TGFBR2: variants seen among roughly 807,000 people sequenced by gnomAD.
TGFBR2 encodes the protein TGF-beta receptor type-2.
TGFBR2 carries 18 observed loss-of-function variants against 49.0 expected under a neutral mutation model. That is an observed-to-expected ratio of 0.37 (90% CI 0.25 to 0.54). TGFBR2 has a LOEUF of 0.54. TGFBR2 is among the 20% of genes least tolerant of loss of function. The pLI, the probability that TGFBR2 is intolerant of heterozygous loss-of-function variation, is 0.85. For missense variants in TGFBR2, 525 were observed against 722.6 expected (o/e 0.73, Z 3.13); for synonymous variants, 282 against 275.9 (o/e 1.02, Z -0.22).
rs2116142 is a variant in TGFBR2, at chr3:30,676,169, A to G, written c.1396+1923A>G. ...TCTTCAGTGCGTCATATCAGGGGGA[A>G]TAAGATGTCCATGTGTCTGGTTATT... On this transcript the variant is annotated intron_variant, in intron 5 of 6. Transcript: ENST00000295754. This position sits in a 1 kb window ranked among gnomAD's most constrained non-coding sequence, Gnocchi z 4.3. Among the ~76,000 whole-genome samples the G allele has an allele frequency of 0.28, 42,234 of 152,118 alleles. 5,985 individuals carry two copies. Among genetic ancestry groups the G allele is most frequent in the Admixed American group, 0.35 (5,394 of 15,286 alleles).
intron 5 of TGFBR2, among the ~76,000 whole-genome samples, chr3:30,680,703 G>A (rs904553114): frequency 1.3e-5 from 2 of 151,926 alleles, no homozygotes; most frequent in African/African-American, 4.8e-5. Context: ...AAAAAAAAAA[G>A]AAAACAAATC....
chr3:30,688,105 G>A (rs1239968979), intron 5 of TGFBR2, among the ~76,000 whole-genome samples: 1 of 152,084 alleles, frequency 6.6e-6, no homozygotes, highest in African/African-American at 2.4e-5. Context: ...CCTAAGCTCC[G>A]TGACCCTCTC....
intron 1 of TGFBR2, among the ~76,000 whole-genome samples, chr3:30,642,887 T>C (rs1397774074): frequency 6.6e-6 from 1 of 152,184 alleles, no homozygotes; most frequent in Admixed American, 6.5e-5. Context: ...AGCATAGAGC[T>C]CTTGGTCTGG....
rs145116012 is a variant in TGFBR2, at chr3:30,661,151, C to A, written c.455-10487C>A. Reference sequence around the variant, plus strand: ...AGAGTACAAGGTGTAATTCAGACAGCCAGCCAGAAAAAGAATTAAAGAATC... The same window carrying A: ...AGAGTACAAGGTGTAATTCAGACAGACAGCCAGAAAAAGAATTAAAGAATC... On this transcript the variant is annotated intron_variant, in intron 3 of 6. Transcript: ENST00000295754. 3.0e-4 allele frequency among the ~76,000 whole-genome samples: 45 copies of A among 152,228 alleles called. No homozygotes were observed. The East Asian group carries it at 7.1e-3, about 24-fold the overall frequency.
chr3:30,618,540 G>C (rs1404615675), intron 1 of TGFBR2, among the ~76,000 whole-genome samples: 1 of 152,032 alleles, frequency 6.6e-6, no homozygotes, highest in African/African-American at 2.4e-5. Context: ...CCGGCCCCAA[G>C]GACCCATTTC....
At chr3:30,620,774 T>C (rs1316255986) in intron 1 of TGFBR2, among the ~76,000 whole-genome samples, 1 of 152,156 alleles carries the variant, frequency 6.6e-6, no homozygotes, top group African/African-American at 2.4e-5. Flanking sequence ...TCATAGATGA[T>C]TTCAGTCATT....
chr3:30,673,118 G>A (rs1699372734), intron 4 of TGFBR2, among the ~76,000 whole-genome samples: 1 of 152,188 alleles, frequency 6.6e-6, no homozygotes, highest in South Asian at 2.1e-4. Context: ...TAGCCAGGTG[G>A]CAGGACACAC....
chr3:30,612,567 A>C (rs1698048657), intron 1 of TGFBR2, among the ~76,000 whole-genome samples: 1 of 152,152 alleles, frequency 6.6e-6, no homozygotes, highest in African/African-American at 2.4e-5. Context: ...GATAAGGCAG[A>C]GTTTCTTTGC....
At chr3:30,642,625 A>G (rs953178781) in intron 1 of TGFBR2, among the ~76,000 whole-genome samples, 3 of 152,262 alleles carry the variant, frequency 2.0e-5, no homozygotes, top group Admixed American at 6.5e-5. Context: ...TACAAACAAC[A>G]AACCTTCCTA....
In TGFBR2 at chr3:30,678,285, C is replaced by A. The variant is rs897049684; in HGVS notation, c.1396+4039C>A. ...TGGTCCTGCCGGGCGCGGTGGCTCA[C>A]GCCTGTAATCCCAACACTTTGGGAA... On this transcript the variant is annotated intron_variant, in intron 5 of 6. Coordinates refer to ENST00000295754, the MANE Select transcript of TGFBR2 (RefSeq NM_003242.6). Among the ~76,000 whole-genome samples, 6 of 152,206 alleles carry A rather than the reference C, an allele frequency of 3.9e-5. No homozygotes were observed. The East Asian group carries it at 5.8e-4, about 15-fold the overall frequency.
At chr3:30,615,272 A>T (rs1295699178) in intron 1 of TGFBR2, among the ~76,000 whole-genome samples, 1 of 151,616 alleles carries the variant, frequency 6.6e-6, no homozygotes, top group African/African-American at 2.4e-5. Context: ...AAGGCTACCT[A>T]TACCCTGGTA....
At chr3:30,645,675 G>A (rs1217560375) in intron 2 of TGFBR2, among the ~76,000 whole-genome samples, 4 of 151,920 alleles carry the variant, frequency 2.6e-5, no homozygotes, top group South Asian at 2.1e-4. Flanking sequence ...TAGTAGAGAC[G>A]GGGTTTCACC....
intron 3 of TGFBR2, among the ~76,000 whole-genome samples, chr3:30,655,308 G>T (rs1333125697): frequency 1.3e-5 from 2 of 152,170 alleles, no homozygotes; most frequent in Non-Finnish European, 2.9e-5. Context: ...TGACTGTGGT[G>T]CATAAACTGA....
intron 2 of TGFBR2, among the ~76,000 whole-genome samples, chr3:30,645,268 T>C (rs1365412158): frequency 6.6e-6 from 1 of 151,952 alleles, no homozygotes; most frequent in African/African-American, 2.4e-5. Context: ...CAGCACCCCA[T>C]AGTGAGACCA....
intron 5 of TGFBR2, 139 bp downstream of exon 5, chr3:30,674,385 A>C: frequency 8.3e-7 from 1 of 1,205,994 alleles, no homozygotes; most frequent in Non-Finnish European, 1.2e-6. Flanking sequence ...ACCATCCCAG[A>C]ACTATTTGGG....
At chr3:30,629,692 G>A (rs546599653) in intron 1 of TGFBR2, among the ~76,000 whole-genome samples, 22 of 152,280 alleles carry the variant, frequency 1.4e-4, no homozygotes, top group African/African-American at 2.2e-4. Flanking sequence ...ACCAACCACC[G>A]TGTGCCAGCC....
intron 1 of TGFBR2, among the ~76,000 whole-genome samples, chr3:30,618,369 A>AG (rs1698167955): frequency 6.6e-6 from 1 of 151,432 alleles, no homozygotes; most frequent in South Asian, 2.1e-4. Context: ...AGCTGGGATT[A>AG]CAGGTGTGCA....
At chr3:30,660,769 T>C (rs1009821765) in intron 3 of TGFBR2, among the ~76,000 whole-genome samples, 2 of 152,244 alleles carry the variant, frequency 1.3e-5, no homozygotes, top group African/African-American at 4.8e-5. Context: ...TCTTAGCTTT[T>C]AAAACTGATT....
chr3:30,658,681 C>A (rs1050642663), intron 3 of TGFBR2, among the ~76,000 whole-genome samples: 2 of 152,324 alleles, frequency 1.3e-5, no homozygotes, highest in African/African-American at 4.8e-5. Flanking sequence ...CACAAAGTTT[C>A]ATTCCTTCCT....
Sources: allele counts gnomAD v4.1 joint callset (sites outside exome capture counted in the v4.1 genomes callset), GRCh38; gene constraint gnomAD v4.1.1; non-coding constraint Gnocchi (gnomAD v3.1); transcripts MANE v1.5; gene names NCBI Gene and HGNC (gene_info 2026-07-23, HGNC 2026-07-21).